Variants in TLL1 observed in about 807,000 individuals in gnomAD.
The protein encoded by TLL1 is tolloid-like protein 1.
A neutral mutation model predicts 128.2 loss-of-function variants in TLL1; 49 were observed. The observed-to-expected ratio is 0.38, with a 90% CI of 0.30 to 0.48. TLL1 has a LOEUF of 0.48. TLL1 is among the 20% of genes least tolerant of loss of function. TLL1 has a pLI of 0.96. For synonymous variants in TLL1, 454 were observed against 418.8 expected (o/e 1.08, Z -1.03); for missense variants, 1,123 against 1,242.0 (o/e 0.90, Z 1.44).
At chr4:165,903,920 G>T (rs4234896) in intron 1 of TLL1, among the ~76,000 whole-genome samples, 72,200 of 151,542 alleles carry the variant, frequency 0.48, 18,197 homozygotes, top group East Asian at 0.86. Context: ...GGGTTTTTTT[G>T]GTATAAAAGT....
At chr4:166,068,991 T>A (rs1433436652) in intron 16 of TLL1, among the ~76,000 whole-genome samples, 1 of 151,744 alleles carries the variant, frequency 6.6e-6, no homozygotes, top group Non-Finnish European at 1.5e-5. Flanking sequence ...GGAAAGACGA[T>A]GCATTATGGT....
At chr4:165,919,769 GTGCCTCT>G (rs1732962599) in intron 1 of TLL1, 1 of 455,756 alleles carries the variant, frequency 2.2e-6, no homozygotes, top group South Asian at 1.6e-5. Context: ...TGCAGTATTA[GTGCCTCT>G]TGCAGGCCTT....
intron 1 of TLL1, among the ~76,000 whole-genome samples, chr4:165,972,183 A>T (rs1007735478): frequency 5.9e-5 from 9 of 152,186 alleles, no homozygotes; most frequent in Non-Finnish European, 1.5e-5. Context: ...GATCACAGAC[A>T]TAGTGGACAG....
intron 9 of TLL1, among the ~76,000 whole-genome samples, chr4:166,033,603 G>A (rs1456823915): frequency 6.6e-6 from 1 of 152,136 alleles, no homozygotes; most frequent in Non-Finnish European, 1.5e-5. Context: ...GCACAGAACT[G>A]TATACATAAG....
intron 1 of TLL1, among the ~76,000 whole-genome samples, chr4:165,927,533 A>G (rs1383778460): frequency 6.6e-6 from 1 of 152,198 alleles, no homozygotes; most frequent in African/African-American, 2.4e-5. Flanking sequence ...TCTGGCTTCT[A>G]TGCTTAATAT....
At chr4:165,937,963 T>C (rs1358369496) in intron 1 of TLL1, among the ~76,000 whole-genome samples, 1 of 151,650 alleles carries the variant, frequency 6.6e-6, no homozygotes, top group East Asian at 1.9e-4. Flanking sequence ...TTTCTTTCTT[T>C]AAAGAATTTT....
chr4:166,099,811 T>C (rs1411288993), intron 20 of TLL1, among the ~76,000 whole-genome samples: 1 of 152,172 alleles, frequency 6.6e-6, no homozygotes, highest in African/African-American at 2.4e-5. Flanking sequence ...ATGCAATAAA[T>C]ATTTAAATAC....
At chr4:166,046,692 G>A (rs549683141) in intron 12 of TLL1, among the ~76,000 whole-genome samples, 2 of 152,166 alleles carry the variant, frequency 1.3e-5, no homozygotes, top group Non-Finnish European at 2.9e-5. Context: ...GTTCAGACAT[G>A]TATGGTGTAT....
chr4:165,977,988 G>C (rs991659386), intron 1 of TLL1, among the ~76,000 whole-genome samples: 2 of 152,112 alleles, frequency 1.3e-5, no homozygotes, highest in Non-Finnish European at 2.9e-5. Flanking sequence ...AAACATATTT[G>C]ATAATGTGTT....
rs572757108 is a variant in TLL1, at chr4:165,881,395, G to A, written c.169+7322G>A. The stretch of plus-strand genomic sequence containing the variant: ...GATACGTGAGGAAAACAGGCAAGTG[G>A]TGAGGGCTTGAACCTGAGTTTCTAT... On this transcript the variant is annotated intron_variant, in intron 1 of 20. Coordinates refer to ENST00000061240, the MANE Select transcript of TLL1 (RefSeq NM_012464.5). Among the ~76,000 whole-genome samples, 6 of 152,354 alleles carry A rather than the reference G, an allele frequency of 3.9e-5. No individual in the cohort carries two copies. The South Asian group carries it at 1.2e-3, about 32-fold the overall frequency.
chr4:165,922,638 T>A (rs1394704650), intron 1 of TLL1, among the ~76,000 whole-genome samples: 1 of 152,236 alleles, frequency 6.6e-6, no homozygotes, highest in African/African-American at 2.4e-5. Context: ...ATAAGTAATA[T>A]CAACTCAAAG....
At chr4:166,078,394 C>G (rs1448160426) in intron 18 of TLL1, among the ~76,000 whole-genome samples, 1 of 152,160 alleles carries the variant, frequency 6.6e-6, no homozygotes, top group African/African-American at 2.4e-5. Flanking sequence ...TAATATTTCA[C>G]TTAAACCCGG....
intron 1 of TLL1, among the ~76,000 whole-genome samples, chr4:165,959,957 G>A (rs1243476849): frequency 3.3e-5 from 5 of 151,960 alleles, no homozygotes; most frequent in African/African-American, 9.7e-5. Context: ...AAACTAACCC[G>A]AAAGGTAACA....
At chr4:165,968,802 GT>G (rs960623166) in intron 1 of TLL1, among the ~76,000 whole-genome samples, 2 of 152,054 alleles carry the variant, frequency 1.3e-5, no homozygotes, top group Admixed American at 1.3e-4. Flanking sequence ...AAAAGTCAGA[GT>G]TTCTCCCATT....
chr4:165,932,907 C>T (rs768880474), intron 1 of TLL1, among the ~76,000 whole-genome samples: 2 of 151,980 alleles, frequency 1.3e-5, no homozygotes, highest in Non-Finnish European at 2.9e-5. Flanking sequence ...AGTGTAAATT[C>T]CAGTTGGATA....
At chr4:166,082,113 G>GT (rs953126151) in intron 18 of TLL1, among the ~76,000 whole-genome samples, 51 of 152,240 alleles carry the variant, frequency 3.3e-4, no homozygotes, top group Non-Finnish European at 5.9e-4. Flanking sequence ...TGGAGTTTGT[G>GT]TTTTTTGTGG....
intron 1 of TLL1, among the ~76,000 whole-genome samples, chr4:165,898,679 C>T (rs1434666799): frequency 6.6e-6 from 1 of 151,976 alleles, no homozygotes; most frequent in Non-Finnish European, 1.5e-5. Flanking sequence ...GGGATATTGG[C>T]CTGAATTTTT....
chr4:166,034,844 G>A (rs1738926664), intron 9 of TLL1, among the ~76,000 whole-genome samples: 2 of 152,134 alleles, frequency 1.3e-5, no homozygotes, highest in Admixed American at 6.6e-5. Context: ...AGAGGTAGAA[G>A]CTGGGAAGCC....
chr4:165,960,439 G>A (rs115465228), intron 1 of TLL1, among the ~76,000 whole-genome samples: 1,554 of 152,134 alleles, frequency 0.01, 24 homozygotes, highest in African/African-American at 0.034. Context: ...TGAAGGAGGA[G>A]GGACTCCTCC....
Sources: allele counts gnomAD v4.1 joint callset (sites outside exome capture counted in the v4.1 genomes callset), GRCh38; gene constraint gnomAD v4.1.1; transcripts MANE v1.5; gene names NCBI Gene and HGNC (gene_info 2026-07-23, HGNC 2026-07-21).